Variants in ENTREP2 observed in about 807,000 individuals in gnomAD.
The protein encoded by ENTREP2 is endosomal transmembrane epsin interactor 2.
At chr15:29,352,905 T>C in the ENTREP2 span, among the ~76,000 whole-genome samples, 1 of 152,224 alleles carries the variant, frequency 6.6e-6, no homozygotes, top group Non-Finnish European at 1.5e-5. Flanking sequence ...TCGACAGCTT[T>C]TCAGATTCTA....
chr15:29,117,868 G>C, the ENTREP2 span: 1 of 151,568 alleles, frequency 6.6e-6, no homozygotes, highest in Non-Finnish European at 1.5e-5. Context: ...CTGCATACCC[G>C]GGCAGGGCTC....
chr15:29,475,863 A>G, the ENTREP2 span, among the ~76,000 whole-genome samples: 4 of 152,196 alleles, frequency 2.6e-5, no homozygotes, highest in African/African-American at 9.7e-5. Flanking sequence ...GATCTACGGA[A>G]GGGCGAGCTG....
chr15:29,328,821 T>C, the ENTREP2 span, among the ~76,000 whole-genome samples: 1 of 152,180 alleles, frequency 6.6e-6, no homozygotes, highest in South Asian at 2.1e-4. Context: ...TTTAGCTTAA[T>C]AGACTATTGA....
chr15:29,303,443 G>GA, the ENTREP2 span, among the ~76,000 whole-genome samples: 1 of 151,998 alleles, frequency 6.6e-6, no homozygotes, highest in South Asian at 2.1e-4. Flanking sequence ...AACCAACCAT[G>GA]ACACTGGGTT....
the ENTREP2 span, among the ~76,000 whole-genome samples, chr15:29,583,120 G>T: frequency 6.6e-6 from 1 of 152,086 alleles, no homozygotes; most frequent in Non-Finnish European, 1.5e-5. Context: ...ACTTAAAAGG[G>T]AAATAAAATA....
At chr15:29,539,849 G>A in the ENTREP2 span, among the ~76,000 whole-genome samples, 1 of 152,160 alleles carries the variant, frequency 6.6e-6, no homozygotes, top group African/African-American at 2.4e-5. Flanking sequence ...AATGACAGAT[G>A]ACGGATGACA....
At chr15:29,413,137 G>A in the ENTREP2 span, among the ~76,000 whole-genome samples, 1 of 151,872 alleles carries the variant, frequency 6.6e-6, no homozygotes. Context: ...TGATCTCCTT[G>A]ATATTCATTC....
chr15:29,267,989 G>A, the ENTREP2 span: 5 of 152,126 alleles, frequency 3.3e-5, no homozygotes, highest in Non-Finnish European at 7.3e-5. Flanking sequence ...GATCCACAGT[G>A]AGAAATATAT....
At chr15:29,165,090 A>C in the ENTREP2 span, among the ~76,000 whole-genome samples, 1 of 152,188 alleles carries the variant, frequency 6.6e-6, no homozygotes, top group Non-Finnish European at 1.5e-5. Flanking sequence ...CAAAAACGAA[A>C]TCAAGGTGGA....
the ENTREP2 span, among the ~76,000 whole-genome samples, chr15:29,492,613 T>G: frequency 2.0e-5 from 3 of 152,198 alleles, no homozygotes; most frequent in Non-Finnish European, 4.4e-5. Context: ...TTAAACATAT[T>G]AATATAGAGG....
chr15:29,225,067 A>G, the ENTREP2 span, among the ~76,000 whole-genome samples: 3 of 152,142 alleles, frequency 2.0e-5, no homozygotes, highest in African/African-American at 7.2e-5. Flanking sequence ...GCCCATGCCC[A>G]CCCAGAACTC....
chr15:29,585,568 A>T, the ENTREP2 span, among the ~76,000 whole-genome samples: 2 of 152,184 alleles, frequency 1.3e-5, no homozygotes, highest in African/African-American at 4.8e-5. Flanking sequence ...AAAACGGCAC[A>T]ACCACAGGCC....
At chr15:29,640,720 AAGCAC>A in the ENTREP2 span, among the ~76,000 whole-genome samples, 1 of 152,186 alleles carries the variant, frequency 6.6e-6, no homozygotes, top group East Asian at 1.9e-4. Context: ...CCACAAAGAA[AAGCAC>A]AGCACTGAGG....
At chr15:29,338,752 T>G in the ENTREP2 span, among the ~76,000 whole-genome samples, 1 of 152,212 alleles carries the variant, frequency 6.6e-6, no homozygotes, top group African/African-American at 2.4e-5. Flanking sequence ...ACTGGTTTTC[T>G]TTTAATAAAA....
the ENTREP2 span, among the ~76,000 whole-genome samples, chr15:29,212,110 CTTTT>C: frequency 1.4e-4 from 21 of 151,930 alleles, no homozygotes; most frequent in African/African-American, 4.8e-4. Context: ...TGGTCCTGGA[CTTTT>C]TTTTGTTGGT....
the ENTREP2 span, among the ~76,000 whole-genome samples, chr15:29,217,785 T>C: frequency 6.6e-6 from 1 of 152,216 alleles, no homozygotes; most frequent in Admixed American, 6.5e-5. Context: ...TTTGGATCCA[T>C]TGTTGGTAAA....
the ENTREP2 span, among the ~76,000 whole-genome samples, chr15:29,272,034 TCAG>T: frequency 6.6e-6 from 1 of 152,244 alleles, no homozygotes; most frequent in Non-Finnish European, 1.5e-5. Flanking sequence ...ACTGTGAAAA[TCAG>T]CAGTGTCCTC....
chr15:29,386,277 C>A, the ENTREP2 span, among the ~76,000 whole-genome samples: 4 of 152,126 alleles, frequency 2.6e-5, no homozygotes, highest in African/African-American at 9.7e-5. Context: ...TAACACACAC[C>A]CACTGAGGCT....
At chr15:29,257,352 C>T in the ENTREP2 span, among the ~76,000 whole-genome samples, 1 of 152,080 alleles carries the variant, frequency 6.6e-6, no homozygotes, top group African/African-American at 2.4e-5. Flanking sequence ...GGATTACAGG[C>T]GTGAGCCACC....
Sources: allele counts gnomAD v4.1 joint callset (sites outside exome capture counted in the v4.1 genomes callset), GRCh38; gene constraint gnomAD v4.1.1; transcripts MANE v1.5; gene names NCBI Gene and HGNC (gene_info 2026-07-23, HGNC 2026-07-21).